DTX3L: variants seen among roughly 807,000 people sequenced by gnomAD.
DTX3L encodes the protein deltex E3 ubiquitin ligase 3L.
In DTX3L, 34 loss-of-function variants were observed where a neutral mutation model predicts 60.9. The ratio of observed to expected loss-of-function variants is 0.56; its 90% CI spans 0.42 to 0.74. DTX3L has a LOEUF of 0.74. DTX3L is among the 30% of genes least tolerant of loss of function. The probability of loss-of-function intolerance (pLI) is 0.00; values close to 1 mark genes in which losing one functional copy is unlikely to be tolerated. For synonymous variants in DTX3L, 290 were observed against 316.6 expected (o/e 0.92, Z 0.89); for missense variants, 810 against 874.0 (o/e 0.93, Z 0.92).
rs2080626557 is a variant in DTX3L at position 122,569,270 on chromosome 3, AGGAGAT to A, written c.1182_1187del (p.Glu395_Ile396del). 2.5e-6 allele frequency: 4 copies of A among 1,614,120 alleles called. No individual in the cohort carries two copies. The highest frequency in any genetic ancestry group is 3.4e-6 in the Non-Finnish European group (4 of 1,180,050). On this transcript the variant is annotated inframe_deletion, in exon 3 of 5. Transcript: ENST00000296161. ...AAACTTTTAGAAACTGAATTACTAC[AGGAGAT>A]ATCAGAGATCGAAAAAAGGTATGAC...
rs140368209 is a variant in DTX3L at position 122,570,073 on chromosome 3, C to T, written c.1935+49C>T. 653 of 1,577,748 alleles carry T rather than the reference C, an allele frequency of 4.1e-4. 4 individuals are homozygous for T. The African/African-American group carries it at 8.2e-3, about 20-fold the overall frequency. On this transcript the variant is annotated intron_variant, in intron 3 of 4. Coordinates refer to ENST00000296161, the MANE Select transcript of DTX3L (RefSeq NM_138287.3). ...GTTTCTTGCCACTATGCTACGATTACCAGGGCAAAAGAGACTGTCCTGTTG... is the reference window on the plus strand; with the variant it reads ...GTTTCTTGCCACTATGCTACGATTATCAGGGCAAAAGAGACTGTCCTGTTG...
At position 122,568,561 on chromosome 3, in the gene DTX3L, C is replaced by T. The variant is rs200807369; in HGVS notation, c.472C>T (p.Leu158=). 4 of 1,614,058 alleles carry T rather than the reference C, an allele frequency of 2.5e-6. No homozygotes were observed. The highest frequency in any genetic ancestry group is 2.5e-6 in the Non-Finnish European group (3 of 1,180,038). ...AGAGCAGAGGGCATACATAACCACA[C>T]TGTGCCCTAGTATCAGAAAAATGGA... ...SKEQRAYITT[L]CPSIRKMEGH... Residue 158 remains leucine (L), a synonymous_variant, in exon 3 of 5, where the codon CTG becomes TTG. Transcript: ENST00000296161.
Position 122,568,626 on chromosome 3 carries a change from A to C in DTX3L, c.537A>C (p.Gln179His). 1 of 1,614,214 alleles carries C rather than the reference A, an allele frequency of 6.2e-7. No homozygotes were observed. Among genetic ancestry groups the C allele is most frequent in the Non-Finnish European group, 8.5e-7 (1 of 1,180,032 alleles). ...DGIEKVCGDF[Q>H]DIERIHQFLS... ...TTGAGAAGGTGTGTGGTGACTTCCAAGACATTGAAAGAATACATCAATTTT... is the reference window on the plus strand; with the variant it reads ...TTGAGAAGGTGTGTGGTGACTTCCACGACATTGAAAGAATACATCAATTTT... The change falls in exon 3 of 5, where the codon CAA (glutamine) becomes CAC (histidine). Residue 179 changes from glutamine to histidine, a missense_variant. Gln to His is a conservative substitution (Grantham distance 24, BLOSUM62 0). Transcript: ENST00000296161.
At chr3:122,570,934 G>C (rs2080641085) in intron 4 of DTX3L, among the ~76,000 whole-genome samples, 1 of 152,160 alleles carries the variant, frequency 6.6e-6, no homozygotes, top group African/African-American at 2.4e-5. Context: ...TACTATATAA[G>C]CTGATTTAAT....
rs778844787 is a variant in DTX3L, at chr3:122,569,026, G to T, written c.937G>T (p.Ala313Ser). Reference protein sequence around the residue: ...EPLKQECVSLADSKQANKFKQ... With the variant: ...EPLKQECVSLSDSKQANKFKQ... ...TCTGAAGCAAGAATGTGTCTCTTTA[G>T]CAGACAGTAAGCAGGCAAATAAATT... Residue 313 changes from alanine (A) to serine (S), a missense_variant, in exon 3 of 5, where the codon GCA becomes TCA. Physicochemically the swap from Ala to Ser is moderately conservative, Grantham distance 99 (BLOSUM62 1). Transcript: ENST00000296161. 1.9e-6 allele frequency: 3 copies of T among 1,614,104 alleles called. No individual in the cohort carries two copies. The highest frequency in any genetic ancestry group is 2.5e-6 in the Non-Finnish European group (3 of 1,180,026).
At chr3:122,570,216 T>C in intron 3 of DTX3L, 192 bp downstream of exon 3, 1 of 761,728 alleles carries the variant, frequency 1.3e-6, no homozygotes, top group Non-Finnish European at 2.1e-6. Context: ...GTCTATTTCT[T>C]AAGACAGAGA....
In DTX3L at chr3:122,569,454, GA is replaced by G; in HGVS notation, c.1367del (p.Lys456SerfsTer30). 6.2e-7 allele frequency: 1 copy of G among 1,614,160 alleles called. No homozygotes were observed. Among genetic ancestry groups the G allele is most frequent in the Non-Finnish European group, 8.5e-7 (1 of 1,180,036 alleles). On this transcript the variant is annotated frameshift_variant, in exon 3 of 5. Coordinates refer to ENST00000296161, the MANE Select transcript of DTX3L (RefSeq NM_138287.3). LOFTEE classifies it high-confidence loss of function. The part of the protein sequence containing the change: ...CQLMREVLLL[K>X]SLGKERKHLH... The stretch of plus-strand genomic sequence containing the variant: ...AGTTGATGAGAGAAGTTCTTTTACT[GA>G]AGTCTTTGGGCAAGGAGAGAAAGCA...
rs560333529 is a variant in DTX3L at position 122,573,462 on chromosome 3, T to G, written c.*1715T>G. On this transcript the variant is annotated 3_prime_UTR_variant, in exon 5 of 5. Transcript: ENST00000296161. ...TGCTACTAATTTGGAAAACTGAGCTTCTTTCTTTCATTGCTTTTTCCCTTA... is the reference window on the plus strand; with the variant it reads ...TGCTACTAATTTGGAAAACTGAGCTGCTTTCTTTCATTGCTTTTTCCCTTA... The G allele has an allele frequency of 3.3e-5, 5 of 152,202 alleles. No individual in the cohort carries two copies. The highest frequency in any genetic ancestry group is 7.3e-5 in the Non-Finnish European group (5 of 68,040). 9.4% of individuals were successfully genotyped at this position (152,202 alleles called of 1,614,324 possible). A position where few individuals can be genotyped will look rare whatever the true frequency, so the allele number is the denominator to read the frequency against.
Position 122,573,701 on chromosome 3 carries a change from C to T in DTX3L, c.*1954C>T, listed in dbSNP as rs528146767. The T allele has an allele frequency of 6.6e-6, 1 of 152,228 alleles. No homozygotes were observed. The highest frequency in any genetic ancestry group is 2.1e-4 in the South Asian group (1 of 4,834). 9.4% of individuals were successfully genotyped at this position (152,228 alleles called of 1,614,324 possible). ...TCACTTGAGCCTTTGCTTTCTGCTC[C>T]TTGTAAACTGCCATATTGGGTGCAC... On this transcript the variant is annotated 3_prime_UTR_variant, in exon 5 of 5. Coordinates refer to ENST00000296161, the MANE Select transcript of DTX3L (RefSeq NM_138287.3).
Position 122,571,659 on chromosome 3 carries a change from G to A in DTX3L, c.2154-19G>A. 1 of 1,601,386 alleles carries A rather than the reference G, an allele frequency of 6.2e-7. No individual in the cohort carries two copies. Among genetic ancestry groups the A allele is most frequent in the Non-Finnish European group, 8.5e-7 (1 of 1,172,842 alleles). Reference sequence around the variant, plus strand: ...CCGAACAATTTGTGGTGACACTAAAGGAATTTTTGTTTCTTCAGGTATGGC... The same window carrying A: ...CCGAACAATTTGTGGTGACACTAAAAGAATTTTTGTTTCTTCAGGTATGGC... On this transcript the variant is annotated intron_variant, in intron 4 of 4. Transcript: ENST00000296161.
chr3:122,571,902 A>T lies in DTX3L; in HGVS notation c.*155A>T. The T allele has an allele frequency of 3.4e-6, 2 of 588,622 alleles. No homozygotes were observed. The highest frequency in any genetic ancestry group is 5.8e-6 in the Non-Finnish European group (2 of 344,642). The allele number at this position is 588,622 out of a possible 1,614,324, so 36.5% of individuals were successfully genotyped here. A position where few individuals can be genotyped will look rare whatever the true frequency, so the allele number is the denominator to read the frequency against. Reference sequence around the variant, plus strand: ...AAGAATAACAATCTGCTAGTCTGTCATTTCTGGAGTGATACTTTTTTTTTT... The same window carrying T: ...AAGAATAACAATCTGCTAGTCTGTCTTTTCTGGAGTGATACTTTTTTTTTT... On this transcript the variant is annotated 3_prime_UTR_variant, in exon 5 of 5. Coordinates refer to ENST00000296161, the MANE Select transcript of DTX3L (RefSeq NM_138287.3).
Position 122,572,386 on chromosome 3 carries a change from C to T in DTX3L, c.*639C>T, listed in dbSNP as rs2080652175. On this transcript the variant is annotated 3_prime_UTR_variant, in exon 5 of 5. Transcript: ENST00000296161. Reference sequence around the variant, plus strand: ...ATTGATCTCTTTTTCATTGCCATCTCTGGGGTGGTTCTTTGGTTTTTTGTG... The same window carrying T: ...ATTGATCTCTTTTTCATTGCCATCTTTGGGGTGGTTCTTTGGTTTTTTGTG... 1 of 152,104 alleles carries T rather than the reference C, an allele frequency of 6.6e-6. No homozygotes were observed. The highest frequency in any genetic ancestry group is 1.5e-5 in the Non-Finnish European group (1 of 68,046). The allele number at this position is 152,104 out of a possible 1,614,324, so 9.4% of individuals were successfully genotyped here.
Position 122,569,173 on chromosome 3 carries a change from G to C in DTX3L, c.1084G>C (p.Val362Leu), listed in dbSNP as rs370584998. ...AAKQKISEAF[V>L]KIPVKLFAAN... ...CAAACAAAAAATCTCTGAAGCTTTT[G>C]TCAAGATACCTGTGAAACTATTTGC... The change falls in exon 3 of 5, where the codon GTC (valine) becomes CTC (leucine). Residue 362 changes from valine (V) to leucine (L), a missense_variant. Val to Leu is a conservative substitution (Grantham distance 32). Coordinates refer to ENST00000296161, the MANE Select transcript of DTX3L (RefSeq NM_138287.3). 4 of 1,614,212 alleles carry C rather than the reference G, an allele frequency of 2.5e-6. No individual in the cohort carries two copies. The South Asian group carries it at 4.4e-5, about 18-fold the overall frequency.
At chr3:122,571,530 A>G in intron 4 of DTX3L, 148 bp from the exon 5 acceptor site, 2 of 613,080 alleles carry the variant, frequency 3.3e-6, no homozygotes, top group Non-Finnish European at 2.8e-6. Context: ...GCATCTGCGA[A>G]TTTAAAAGTC....
At chr3:122,570,111 T>C in intron 3 of DTX3L, 87 bp downstream of exon 3, 1 of 1,383,472 alleles carries the variant, frequency 7.2e-7, no homozygotes. Flanking sequence ...TATTAGACAA[T>C]AGATTTCCCA....
chr3:122,564,452 C>T lies in DTX3L; in HGVS notation c.26C>T (p.Ser9Phe). Residue 9 changes from serine to phenylalanine, a missense_variant, in exon 1 of 5, where the codon TCC (serine) becomes TTC (phenylalanine). Transcript: ENST00000296161. Reference protein sequence around the residue: MASHLRPPSPLLVRVYKSG... With the variant: MASHLRPPFPLLVRVYKSG... Reference sequence around the variant, plus strand: ...ATGGCCTCCCACCTGCGCCCGCCGTCCCCGCTCCTCGTGCGGGTGTACAAG... The same window carrying T: ...ATGGCCTCCCACCTGCGCCCGCCGTTCCCGCTCCTCGTGCGGGTGTACAAG... 1 of 1,611,630 alleles carries T rather than the reference C, an allele frequency of 6.2e-7. No homozygotes were observed. The highest frequency in any genetic ancestry group is 8.5e-7 in the Non-Finnish European group (1 of 1,179,104).
At position 122,566,457 on chromosome 3, in the gene DTX3L, C is replaced by T. The variant is rs2080592363; in HGVS notation, c.399+387C>T. Among the ~76,000 whole-genome samples, 2 of 152,166 alleles carry T rather than the reference C, an allele frequency of 1.3e-5. 1 individual carries two copies. The highest frequency in any genetic ancestry group is 4.8e-5 in the African/African-American group (2 of 41,512). Reference sequence around the variant, plus strand: ...TCATGGCTCACTGCAGAGTTGACCTCCTGGGCTCAAGGGATCCTCTCACCT... The same window carrying T: ...TCATGGCTCACTGCAGAGTTGACCTTCTGGGCTCAAGGGATCCTCTCACCT... On this transcript the variant is annotated intron_variant, in intron 2 of 4. Coordinates refer to ENST00000296161, the MANE Select transcript of DTX3L (RefSeq NM_138287.3).
chr3:122,564,462 C>T lies in DTX3L; in HGVS notation c.36C>T (p.Leu12=), dbSNP rs1187052147. 14 of 1,612,042 alleles carry T rather than the reference C, an allele frequency of 8.7e-6. No individual in the cohort carries two copies. Among genetic ancestry groups the T allele is most frequent in the Middle Eastern group, 1.8e-4 (1 of 5,708 alleles). ...ACCTGCGCCCGCCGTCCCCGCTCCTCGTGCGGGTGTACAAGTCCGGCCCCC... is the reference window on the plus strand; with the variant it reads ...ACCTGCGCCCGCCGTCCCCGCTCCTTGTGCGGGTGTACAAGTCCGGCCCCC... ...ASHLRPPSPL[L]VRVYKSGPRV... Residue 12 remains leucine, a synonymous_variant, in exon 1 of 5, where the codon CTC becomes CTT. Transcript: ENST00000296161.
At chr3:122,565,724 C>T (rs985377068) in intron 1 of DTX3L, 135 bp from the exon 2 acceptor site, 5 of 790,562 alleles carry the variant, frequency 6.3e-6, no homozygotes, top group Non-Finnish European at 8.2e-6. Flanking sequence ...ATCGCCAACC[C>T]ACCATTCCAG....
Sources: gnomAD v4.1 joint callset for allele counts (sites outside exome capture counted in the v4.1 genomes callset) on GRCh38, gnomAD v4.1.1 for gene constraint, MANE v1.5 for transcripts, NCBI Gene and HGNC (gene_info 2026-07-23, HGNC 2026-07-21) for gene names.